The following GRID2 variants were observed in gnomAD, a reference collection of about 807,000 sequenced individuals.
The protein encoded by GRID2 is glutamate receptor ionotropic, delta-2.
A neutral mutation model predicts 114.8 loss-of-function variants in GRID2; 33 were observed. The observed-to-expected ratio is 0.29, with a 90% CI of 0.22 to 0.38. The LOEUF is 0.38. Ranked by LOEUF, GRID2 falls within the 10% of genes least tolerant of loss-of-function variation. GRID2 has a pLI of 1.00. For missense variants in GRID2, 1,184 were observed against 1,257.7 expected, an observed-to-expected ratio of 0.94 and a Z score of 0.89; for synonymous variants, 505 against 449.9, an observed-to-expected ratio of 1.12 and a Z score of -1.55.
In GRID2 at chr4:92,940,822, T is replaced by C. The variant is rs917750685; in HGVS notation, c.245-144173T>C. 1.1e-4 allele frequency among the ~76,000 whole-genome samples: 16 copies of C among 152,324 alleles called. 1 individual carries two copies. Among genetic ancestry groups the C allele is most frequent in the African/African-American group, 3.8e-4 (16 of 41,588 alleles). Reference sequence around the variant, plus strand: ...AAGGCCTTTTGTGCATCTATTGAGATAATCATGTGGTTTTTGTCTTTGGTT... The same window carrying C: ...AAGGCCTTTTGTGCATCTATTGAGACAATCATGTGGTTTTTGTCTTTGGTT... On this transcript the variant is annotated intron_variant, in intron 2 of 15. Transcript: ENST00000282020.
chr4:93,407,718 C>G (rs974298748), intron 9 of GRID2, among the ~76,000 whole-genome samples: 1 of 89,544 alleles, frequency 1.1e-5, no homozygotes, highest in African/African-American at 7.6e-5. Context: ...CCTCCTCCTC[C>G]TCCTTCTCCT....
intron 1 of GRID2, among the ~76,000 whole-genome samples, chr4:92,428,998 A>C (rs1281298075): frequency 6.6e-6 from 1 of 152,034 alleles, no homozygotes; most frequent in Non-Finnish European, 1.5e-5. Flanking sequence ...TATTTCTTCT[A>C]ATGCTATCCC....
chr4:92,974,772 C>T (rs1753747729), intron 2 of GRID2, among the ~76,000 whole-genome samples: 1 of 151,918 alleles, frequency 6.6e-6, no homozygotes, highest in African/African-American at 2.4e-5. Context: ...CACCAGGGCA[C>T]GTGTACATCT....
At position 93,622,584 on chromosome 4, in the gene GRID2, G is replaced by C. The variant is rs1253847275; in HGVS notation, c.2194-3685G>C. Among the ~76,000 whole-genome samples the C allele has an allele frequency of 2.6e-5, 4 of 152,216 alleles. No homozygotes were observed. The East Asian group carries it at 7.7e-4, about 29-fold the overall frequency. Reference sequence around the variant, plus strand: ...ACACTGACCGATAGCACCTAAACTAGGGTCTAGGGTACCACAGACACTCCA... The same window carrying C: ...ACACTGACCGATAGCACCTAAACTACGGTCTAGGGTACCACAGACACTCCA... On this transcript the variant is annotated intron_variant, in intron 13 of 15. Transcript: ENST00000282020.
At chr4:93,267,797 A>G (rs758467980) in intron 8 of GRID2, among the ~76,000 whole-genome samples, 2 of 152,160 alleles carry the variant, frequency 1.3e-5, no homozygotes, top group Non-Finnish European at 2.9e-5. Context: ...AACCCAGCCC[A>G]AGACACTCTG....
intron 1 of GRID2, among the ~76,000 whole-genome samples, chr4:92,567,952 A>G (rs535817428): frequency 2.6e-4 from 40 of 152,134 alleles, no homozygotes; most frequent in African/African-American, 8.7e-4. Context: ...CAAGAGATAT[A>G]TAGTTAAGAT....
At chr4:93,565,766 C>A (rs1161337724) in intron 13 of GRID2, among the ~76,000 whole-genome samples, 1 of 152,154 alleles carries the variant, frequency 6.6e-6, no homozygotes, top group African/African-American at 2.4e-5. Context: ...AGGTTTAAAT[C>A]TAAGCTTTCT....
chr4:93,227,998 A>C (rs550181333), intron 7 of GRID2, among the ~76,000 whole-genome samples: 1 of 152,198 alleles, frequency 6.6e-6, no homozygotes, highest in Non-Finnish European at 1.5e-5. Flanking sequence ...TTAAAGCTCT[A>C]TTCACAGCAG....
At chr4:93,509,060 G>T (rs1255678910) in intron 12 of GRID2, among the ~76,000 whole-genome samples, 1 of 152,174 alleles carries the variant, frequency 6.6e-6, no homozygotes, top group Non-Finnish European at 1.5e-5. Flanking sequence ...GAACTTGAAG[G>T]CTAAGGAGTT....
chr4:93,341,391 T>G (rs1269934312), intron 8 of GRID2, among the ~76,000 whole-genome samples: 1 of 151,958 alleles, frequency 6.6e-6, no homozygotes, highest in African/African-American at 2.4e-5. Context: ...GTGGTGCAAT[T>G]TTGGCTCCCT....
chr4:93,371,883 G>T lies in GRID2; in HGVS notation c.1246-23724G>T, dbSNP rs7690317. 4.7e-3 allele frequency among the ~76,000 whole-genome samples: 706 copies of T among 151,336 alleles called. 3 individuals carry two copies. The highest frequency in any genetic ancestry group is 0.016 in the African/African-American group (662 of 41,200). On this transcript the variant is annotated intron_variant, in intron 8 of 15. Coordinates refer to ENST00000282020, the MANE Select transcript of GRID2 (RefSeq NM_001510.4). ...CTGCCTCAGCCTCCTGAGTAGCTGG[G>T]ATTACAGGCACCCACCACCACACCC... is the stretch of plus-strand genomic sequence containing the variant.
At chr4:92,441,176 AGTT>A (rs71074663) in intron 1 of GRID2, among the ~76,000 whole-genome samples, 14 of 152,138 alleles carry the variant, frequency 9.2e-5, no homozygotes, top group Non-Finnish European at 8.8e-5. Flanking sequence ...GAAGGAAAGG[AGTT>A]GTTGTTTTAT....
At chr4:92,642,030 C>T (rs1731379834) in intron 2 of GRID2, among the ~76,000 whole-genome samples, 1 of 151,114 alleles carries the variant, frequency 6.6e-6, no homozygotes, top group African/African-American at 2.4e-5. Flanking sequence ...TCCAATCTAC[C>T]ATTGATAGGC....
intron 9 of GRID2, among the ~76,000 whole-genome samples, chr4:93,417,181 A>G (rs1767801030): frequency 6.6e-6 from 1 of 152,050 alleles, no homozygotes. Flanking sequence ...CTTTGAAAAT[A>G]TATGTTAAAT....
At chr4:92,558,897 C>A (rs933966908) in intron 1 of GRID2, among the ~76,000 whole-genome samples, 1 of 152,122 alleles carries the variant, frequency 6.6e-6, no homozygotes. Context: ...CTGAGGTCAA[C>A]AAAAGACGAG....
At chr4:92,312,810 A>C (rs1725773190) in intron 1 of GRID2, among the ~76,000 whole-genome samples, 1 of 152,006 alleles carries the variant, frequency 6.6e-6, no homozygotes, top group Non-Finnish European at 1.5e-5. Flanking sequence ...TGGATGTGGC[A>C]GTCAGGGAAC....
At chr4:93,331,915 G>C (rs1758507435) in intron 8 of GRID2, among the ~76,000 whole-genome samples, 2 of 151,888 alleles carry the variant, frequency 1.3e-5, no homozygotes, top group African/African-American at 2.4e-5. Context: ...TTTCCCCCTA[G>C]CTATTAGTTT....
intron 1 of GRID2, among the ~76,000 whole-genome samples, chr4:93,805,377 T>C (rs924738432): frequency 6.6e-6 from 1 of 152,238 alleles, no homozygotes; most frequent in African/African-American, 2.4e-5. Context: ...ATGAGAAAAC[T>C]GTTTTTGAAA....
Position 93,110,730 on chromosome 4 carries a change from G to A in GRID2, c.530-18G>A. 1 of 1,539,704 alleles carries A rather than the reference G, an allele frequency of 6.5e-7. No individual in the cohort carries two copies. The highest frequency in any genetic ancestry group is 9.0e-7 in the Non-Finnish European group (1 of 1,112,188). ...ACAATAATTCACAGGTATTTTGATG[G>A]GCTTTTGATGTTTCCAGATATCCGT... On this transcript the variant is annotated intron_variant, in intron 3 of 15. Transcript: ENST00000282020.
Sources: gnomAD v4.1 joint callset for allele counts (sites outside exome capture counted in the v4.1 genomes callset) on GRCh38, gnomAD v4.1.1 for gene constraint, MANE v1.5 for transcripts, NCBI Gene and HGNC (gene_info 2026-07-23, HGNC 2026-07-21) for gene names.